The following ACKR3 variants were observed in gnomAD, a reference collection of about 807,000 sequenced individuals.
The protein encoded by ACKR3 is atypical chemokine receptor 3.
A neutral mutation model predicts 22.4 loss-of-function variants in ACKR3; 6 were observed. The observed-to-expected ratio is 0.27, with a 90% CI of 0.15 to 0.53. The LOEUF (loss-of-function observed/expected upper bound fraction) is 0.53. ACKR3 is among the 20% of genes least tolerant of loss of function. The pLI, the probability that ACKR3 is intolerant of heterozygous loss-of-function variation, is 0.96. For synonymous variants in ACKR3, 209 were observed against 205.2 expected (o/e 1.02, Z -0.16); for missense variants, 396 against 475.2 (o/e 0.83, Z 1.55).
intron 1 of ACKR3, among the ~76,000 whole-genome samples, chr2:236,571,438 C>T (rs1691306133): frequency 6.6e-6 from 1 of 152,082 alleles, no homozygotes; most frequent in Non-Finnish European, 1.5e-5. Context: ...AAGGGGCAGA[C>T]ATTGCAGACG....
At chr2:236,576,255 G>T (rs1691410007) in intron 1 of ACKR3, among the ~76,000 whole-genome samples, 1 of 152,216 alleles carries the variant, frequency 6.6e-6, no homozygotes, top group African/African-American at 2.4e-5. Flanking sequence ...ACTTCCCAGC[G>T]TAAACAGACC....
At chr2:236,569,269 G>C (rs1255389523), upstream of ACKR3, among the ~76,000 whole-genome samples, 1 of 152,166 alleles carries the variant, frequency 6.6e-6, no homozygotes, top group African/African-American at 2.4e-5. Flanking sequence ...CTATTATAAA[G>C]ACTCTTTTCT....
intron 1 of ACKR3, among the ~76,000 whole-genome samples, chr2:236,576,742 A>G (rs1303527971): frequency 6.6e-6 from 1 of 152,268 alleles, no homozygotes; most frequent in East Asian, 1.9e-4. Flanking sequence ...GTTACACGGC[A>G]GTTCCCTATT....
At position 236,580,452 on chromosome 2, in the gene ACKR3, C is replaced by A; in HGVS notation, c.-14C>A. On this transcript the variant is annotated 5_prime_UTR_variant, in exon 2 of 2. Coordinates refer to ENST00000272928, the MANE Select transcript of ACKR3 (RefSeq NM_020311.3). ...GGTTTTCTCATAGGTCATTTGATTG[C>A]CCGCCTCAGAACGATGGATCTGCAT... The A allele has an allele frequency of 6.3e-7, 1 of 1,594,566 alleles. No homozygotes were observed. Among genetic ancestry groups the A allele is most frequent in the Non-Finnish European group, 8.6e-7 (1 of 1,164,952 alleles).
At chr2:236,575,169 A>G (rs1691381894) in intron 1 of ACKR3, among the ~76,000 whole-genome samples, 1 of 152,074 alleles carries the variant, frequency 6.6e-6, no homozygotes, top group African/African-American at 2.4e-5. Context: ...TCCTCCCTCT[A>G]TGAAAATTTA....
Position 236,580,922 on chromosome 2 carries a change from C to T in ACKR3, c.457C>T (p.Pro153Ser), listed in dbSNP as rs750402078. 2.6e-5 allele frequency: 42 copies of T among 1,614,080 alleles called. No homozygotes were observed. In the Admixed American group the frequency reaches 5.7e-4, roughly 22 times the overall value. ...YLSITYFTNT[P>S]SSRKKMVRRV... ...CTCCATCACCTACTTCACCAACACCCCCAGCAGCAGGAAGAAGATGGTACG... is the reference window on the plus strand; with the variant it reads ...CTCCATCACCTACTTCACCAACACCTCCAGCAGCAGGAAGAAGATGGTACG... The change falls in exon 2 of 2, where the codon CCC (proline) becomes TCC (serine). Residue 153 changes from proline to serine, a missense_variant. By Grantham distance (74) the Pro-to-Ser change is moderately conservative (BLOSUM62 -1). Transcript: ENST00000272928.
At position 236,581,573 on chromosome 2, in the gene ACKR3, T is replaced by C. The variant is rs1247924376; in HGVS notation, c.*19T>C. 6.2e-7 allele frequency: 1 copy of C among 1,600,492 alleles called. No individual in the cohort carries two copies. Among genetic ancestry groups the C allele is most frequent in the Admixed American group, 1.7e-5 (1 of 59,126 alleles). On this transcript the variant is annotated 3_prime_UTR_variant, in exon 2 of 2. Transcript: ENST00000272928. This position sits in a 1 kb window ranked among gnomAD's most constrained non-coding sequence, Gnocchi z 4.4. ...CAAATGATCTGCCCTGGAGAGGCTC[T>C]GGGACGGGTTTACTTGTTTTTGAAC...
At chr2:236,558,328 G>A in the ACKR3 span, among the ~76,000 whole-genome samples, 2 of 152,202 alleles carry the variant, frequency 1.3e-5, no homozygotes, top group Non-Finnish European at 2.9e-5. Context: ...AAATAGCTAG[G>A]AAATGGGTGG....
chr2:236,546,122 G>T, the ACKR3 span, among the ~76,000 whole-genome samples: 2 of 152,216 alleles, frequency 1.3e-5, no homozygotes, highest in African/African-American at 4.8e-5. The surrounding 1 kb of genome is among the most constrained non-coding windows in gnomAD (Gnocchi z 4.9). Flanking sequence ...TCCCGTACCA[G>T]AATTTTCTTT....
At chr2:236,566,521 A>T (rs1455510961), upstream of ACKR3, among the ~76,000 whole-genome samples, 1 of 140,818 alleles carries the variant, frequency 7.1e-6, no homozygotes, top group Non-Finnish European at 1.5e-5. Context: ...CAGGTGCAAG[A>T]TCACTCTCCC....
the ACKR3 span, among the ~76,000 whole-genome samples, chr2:236,552,185 T>C: frequency 2.6e-5 from 4 of 152,226 alleles, no homozygotes; most frequent in East Asian, 3.9e-4. Context: ...GAAATGTGCA[T>C]TGTGAGCCCT....
rs111460793 is a variant in ACKR3 at position 236,573,963 on chromosome 2, C to A, written c.-27+4039C>A. 2.8e-3 allele frequency among the ~76,000 whole-genome samples: 421 copies of A among 152,286 alleles called. 4 individuals are homozygous for A. The highest frequency in any genetic ancestry group is 9.6e-3 in the African/African-American group (401 of 41,556). ...CCATGGCTGTGCCTTCCTGGAACAT[C>A]CTTGATCACCCCTACCTCCTTGAAG... is the stretch of plus-strand genomic sequence containing the variant. On this transcript the variant is annotated intron_variant, in intron 1 of 1. Coordinates refer to ENST00000272928, the MANE Select transcript of ACKR3 (RefSeq NM_020311.3).
At chr2:236,571,262 T>A (rs1032583139) in intron 1 of ACKR3, among the ~76,000 whole-genome samples, 3 of 152,116 alleles carry the variant, frequency 2.0e-5, no homozygotes, top group African/African-American at 7.2e-5. Context: ...TGCTCTTTTT[T>A]CCCCAGTCTC....
At chr2:236,568,829 G>C (rs1047806202), upstream of ACKR3, among the ~76,000 whole-genome samples, 1 of 152,202 alleles carries the variant, frequency 6.6e-6, no homozygotes, top group Non-Finnish European at 1.5e-5. Flanking sequence ...TGGAGAAGGC[G>C]TGAATACAGC....
At chr2:236,566,110 C>G (rs1435333505), upstream of ACKR3, among the ~76,000 whole-genome samples, 4 of 152,222 alleles carry the variant, frequency 2.6e-5, no homozygotes, top group Non-Finnish European at 5.9e-5. Flanking sequence ...AGGATCCTCA[C>G]GCTTTTAAGT....
chr2:236,539,676 G>T, the ACKR3 span, among the ~76,000 whole-genome samples: 4 of 152,060 alleles, frequency 2.6e-5, no homozygotes, highest in East Asian at 3.9e-4. Flanking sequence ...TTTTTCTTGG[G>T]TAAATACCTA....
the ACKR3 span, among the ~76,000 whole-genome samples, chr2:236,552,690 G>C: frequency 2.0e-5 from 3 of 152,210 alleles, no homozygotes; most frequent in Admixed American, 1.3e-4. Flanking sequence ...AATATTTACA[G>C]AGGCATGCTC....
the ACKR3 span, among the ~76,000 whole-genome samples, chr2:236,553,962 C>T: frequency 6.6e-6 from 1 of 152,186 alleles, no homozygotes; most frequent in East Asian, 1.9e-4. Context: ...AAAATTGTTT[C>T]CCACCTGCTG....
intron 1 of ACKR3, among the ~76,000 whole-genome samples, chr2:236,580,170 G>T (rs1182081542): frequency 6.6e-6 from 1 of 152,248 alleles, no homozygotes; most frequent in Admixed American, 6.5e-5. Context: ...GCGGTGTCTT[G>T]AGAACACAGC....
Sources: allele counts gnomAD v4.1 joint callset (sites outside exome capture counted in the v4.1 genomes callset), GRCh38; gene constraint gnomAD v4.1.1; non-coding constraint Gnocchi (gnomAD v3.1); transcripts MANE v1.5; gene names NCBI Gene and HGNC (gene_info 2026-07-23, HGNC 2026-07-21).